SOX5: variants seen among roughly 807,000 people sequenced by gnomAD.
The protein encoded by SOX5 is SRY-box transcription factor 5.
A neutral mutation model predicts 92.0 loss-of-function variants in SOX5; 9 were observed. That is an observed-to-expected ratio of 0.10 (90% CI 0.06 to 0.17). The LOEUF is 0.17. SOX5 is among the 10% of genes least tolerant of loss of function. The pLI, the probability that SOX5 is intolerant of heterozygous loss-of-function variation, is 1.00. For synonymous variants in SOX5, 344 were observed against 336.3 expected, an observed-to-expected ratio of 1.02 and a Z score of -0.25; for missense variants, 642 against 944.5, an observed-to-expected ratio of 0.68 and a Z score of 4.20.
intron 6 of SOX5, among the ~76,000 whole-genome samples, chr12:23,732,862 G>A (rs1470512928): frequency 3.9e-5 from 6 of 152,084 alleles, no homozygotes; most frequent in Admixed American, 3.9e-4. Flanking sequence ...CTGAAATACA[G>A]TTCCTATAGT....
At chr12:23,829,176 C>A (rs2096276499) in intron 3 of SOX5, among the ~76,000 whole-genome samples, 1 of 151,998 alleles carries the variant, frequency 6.6e-6, no homozygotes, top group Non-Finnish European at 1.5e-5. Context: ...TTAATTAGGG[C>A]AAATGCTTGA....
chr12:24,436,925 G>A (rs1939551880), intron 1 of SOX5, among the ~76,000 whole-genome samples: 1 of 152,164 alleles, frequency 6.6e-6, no homozygotes, highest in African/African-American at 2.4e-5. Context: ...TGCCGGAGCA[G>A]TAAAAGTGAA....
At chr12:23,680,346 A>C (rs1029709434) in intron 6 of SOX5, among the ~76,000 whole-genome samples, 20 of 150,284 alleles carry the variant, frequency 1.3e-4, no homozygotes, top group Admixed American at 7.9e-4. Context: ...AAAAAAAAAA[A>C]AGAAAAATAT....
chr12:24,167,522 G>C (rs1953557475), intron 4 of SOX5, among the ~76,000 whole-genome samples: 1 of 152,126 alleles, frequency 6.6e-6, no homozygotes, highest in Non-Finnish European at 1.5e-5. Context: ...CTTGCCCCTG[G>C]TAATGTGATG....
intron 1 of SOX5, 151 bp downstream of exon 1, chr12:23,949,413 A>T (rs778476903): frequency 8.2e-5 from 77 of 944,668 alleles, no homozygotes; most frequent in Non-Finnish European, 1.2e-4. Flanking sequence ...GGGCAATCAC[A>T]ACAAAAAATC....
chr12:23,997,959 G>A (rs1052914024), intron 4 of SOX5, among the ~76,000 whole-genome samples: 15 of 151,910 alleles, frequency 9.9e-5, no homozygotes, highest in African/African-American at 3.6e-4. Flanking sequence ...CTACTATGGT[G>A]GGGGGGTGCA....
intron 8 of SOX5, among the ~76,000 whole-genome samples, chr12:23,609,203 A>C (rs2075657699): frequency 6.6e-6 from 1 of 152,218 alleles, no homozygotes; most frequent in African/African-American, 2.4e-5. Context: ...AGGGCAATGC[A>C]TACATAGCCA....
intron 3 of SOX5, among the ~76,000 whole-genome samples, chr12:23,840,178 C>T (rs1316143570): frequency 1.3e-5 from 2 of 151,818 alleles, no homozygotes; most frequent in Non-Finnish European, 2.9e-5. Flanking sequence ...TCCCATATTT[C>T]AGCAACAAAC....
At chr12:24,545,928 C>T (rs1952581612) in intron 1 of SOX5, among the ~76,000 whole-genome samples, 1 of 152,214 alleles carries the variant, frequency 6.6e-6, no homozygotes, top group Admixed American at 6.5e-5. Context: ...GAAGCCTCAG[C>T]TGCATCACAG....
chr12:23,738,177 C>T (rs181052902), intron 5 of SOX5, among the ~76,000 whole-genome samples: 1 of 152,324 alleles, frequency 6.6e-6, no homozygotes, highest in East Asian at 1.9e-4. Flanking sequence ...AAAGGCTCAT[C>T]AGTAAACAGG....
chr12:24,545,889 C>T (rs1017429368), intron 1 of SOX5, among the ~76,000 whole-genome samples: 6 of 152,188 alleles, frequency 3.9e-5, no homozygotes, highest in Admixed American at 3.9e-4. Context: ...GAACAGCCAT[C>T]CAGTTCCAGA....
chr12:23,806,653 TG>T (rs372029774), intron 3 of SOX5, among the ~76,000 whole-genome samples: 1,620 of 132,280 alleles, frequency 0.012, 33 homozygotes, highest in African/African-American at 0.041. Context: ...AATAGTGGAG[TG>T]GAAAAAAAAA....
At chr12:24,411,830 T>C (rs977860336) in intron 1 of SOX5, among the ~76,000 whole-genome samples, 1 of 152,214 alleles carries the variant, frequency 6.6e-6, no homozygotes, top group African/African-American at 2.4e-5. Context: ...TGAATGGCTT[T>C]CTGGGGGAGA....
intron 3 of SOX5, among the ~76,000 whole-genome samples, chr12:24,234,988 T>A (rs10743496): frequency 0.34 from 51,225 of 152,012 alleles, 9,061 homozygotes; most frequent in African/African-American, 0.4. Flanking sequence ...ATGTCAACAG[T>A]GCTGAGGATG....
At chr12:24,253,489 T>C (rs961323675) in intron 3 of SOX5, among the ~76,000 whole-genome samples, 1 of 152,224 alleles carries the variant, frequency 6.6e-6, no homozygotes, top group Admixed American at 6.5e-5. Flanking sequence ...TCATTTATAT[T>C]TTTCAGTGTC....
chr12:24,260,711 T>C (rs777552652), intron 3 of SOX5, among the ~76,000 whole-genome samples: 23 of 152,212 alleles, frequency 1.5e-4, no homozygotes, highest in Non-Finnish European at 3.1e-4. Context: ...TTGGATCACA[T>C]GTCTCTTAGC....
intron 6 of SOX5, among the ~76,000 whole-genome samples, chr12:23,703,786 A>G (rs2091000650): frequency 6.6e-6 from 1 of 151,800 alleles, no homozygotes; most frequent in Non-Finnish European, 1.5e-5. Context: ...ATACATCAAA[A>G]AAGTTTCAGT....
chr12:23,907,259 AGAG>A (rs1002337561), intron 1 of SOX5, among the ~76,000 whole-genome samples: 3 of 152,152 alleles, frequency 2.0e-5, no homozygotes, highest in South Asian at 4.1e-4. Flanking sequence ...AAGAGGACGA[AGAG>A]GAGGAGAAGC....
chr12:23,682,987 A>C (rs2086876904), intron 6 of SOX5, among the ~76,000 whole-genome samples: 1 of 151,904 alleles, frequency 6.6e-6, no homozygotes, highest in African/African-American at 2.4e-5. Flanking sequence ...TGTATCATAA[A>C]GGCAAAAATT....
Sources: allele counts gnomAD v4.1 joint callset (sites outside exome capture counted in the v4.1 genomes callset), GRCh38; gene constraint gnomAD v4.1.1; transcripts MANE v1.5; gene names NCBI Gene and HGNC (gene_info 2026-07-23, HGNC 2026-07-21).